The following ALOX5AP variants were observed in gnomAD, a reference collection of about 807,000 sequenced individuals.
ALOX5AP encodes arachidonate 5-lipoxygenase-activating protein.
A neutral mutation model predicts 18.5 loss-of-function variants in ALOX5AP; 9 were observed. The observed-to-expected ratio is 0.49, with a 90% CI of 0.29 to 0.85. ALOX5AP has a LOEUF of 0.85. Ranked by LOEUF, ALOX5AP falls within the 40% of genes least tolerant of loss-of-function variation. The pLI is 0.08. For synonymous variants in ALOX5AP, 81 were observed against 78.6 expected (o/e 1.03, Z -0.16); for missense variants, 172 against 202.5 (o/e 0.85, Z 0.91).
chr13:30,733,031 T>C (rs898545111), upstream of ALOX5AP, among the ~76,000 whole-genome samples: 1 of 151,760 alleles, frequency 6.6e-6, no homozygotes, highest in Non-Finnish European at 1.5e-5. Context: ...TGGTGGTGGG[T>C]GCCTGTAGTC....
At chr13:30,721,170 T>C (rs1488018660) in intron 1 of ALOX5AP, among the ~76,000 whole-genome samples, 1 of 152,204 alleles carries the variant, frequency 6.6e-6, no homozygotes, top group Admixed American at 6.5e-5. Context: ...CAGGAGGCCA[T>C]AGGAGAAGGG....
intron 2 of ALOX5AP, among the ~76,000 whole-genome samples, chr13:30,747,518 T>C (rs916155000): frequency 6.6e-6 from 1 of 152,216 alleles, no homozygotes; most frequent in Non-Finnish European, 1.5e-5. Context: ...TCCCAGCCAA[T>C]GAGCATGGCT....
upstream of ALOX5AP, among the ~76,000 whole-genome samples, chr13:30,733,794 G>T (rs1484625533): frequency 2.0e-5 from 3 of 152,126 alleles, no homozygotes; most frequent in African/African-American, 7.2e-5. Flanking sequence ...TCTTGAGCTG[G>T]GCCATCCATC....
chr13:30,715,214 TC>T (rs1951540508), intron 1 of ALOX5AP, among the ~76,000 whole-genome samples: 1 of 152,216 alleles, frequency 6.6e-6, no homozygotes, highest in Admixed American at 6.5e-5. Context: ...CCTGGGGCTC[TC>T]CAAGCTTCAC....
intron 1 of ALOX5AP, among the ~76,000 whole-genome samples, chr13:30,736,485 T>C (rs1361377625): frequency 6.6e-6 from 1 of 152,178 alleles, no homozygotes; most frequent in East Asian, 1.9e-4. Context: ...TGGCTTTGTG[T>C]TTTATATTTA....
chr13:30,763,386 C>T (rs1035415192), intron 4 of ALOX5AP, among the ~76,000 whole-genome samples: 4 of 152,360 alleles, frequency 2.6e-5, no homozygotes, highest in Admixed American at 1.3e-4. Context: ...GGGCCTGTCT[C>T]CCATTGCTGG....
chr13:30,753,138 G>A (rs1267588604), intron 3 of ALOX5AP, among the ~76,000 whole-genome samples: 1 of 152,226 alleles, frequency 6.6e-6, no homozygotes, highest in Non-Finnish European at 1.5e-5. Context: ...AGAAGTCAGT[G>A]AATGAAGACA....
chr13:30,741,103 C>CTTTTTT (rs59980433), intron 1 of ALOX5AP, among the ~76,000 whole-genome samples: 640 of 63,996 alleles, frequency 0.01, 78 homozygotes, highest in Non-Finnish European at 0.013. Flanking sequence ...CCTCCATATC[C>CTTTTTT]TTTTTTTTTT....
At chr13:30,760,238 A>T (rs1951929900) in intron 4 of ALOX5AP, among the ~76,000 whole-genome samples, 1 of 145,616 alleles carries the variant, frequency 6.9e-6, no homozygotes, top group Non-Finnish European at 1.5e-5. Context: ...TTTTGTTCAC[A>T]TTAAGAACCT....
intron 1 of ALOX5AP, among the ~76,000 whole-genome samples, chr13:30,726,854 A>G (rs1034960325): frequency 6.6e-6 from 1 of 151,922 alleles, no homozygotes; most frequent in Non-Finnish European, 1.5e-5. Context: ...CTATTCCTCT[A>G]CTTAATTTCT....
chr13:30,740,757 A>G (rs1951756382), intron 1 of ALOX5AP, among the ~76,000 whole-genome samples: 4 of 152,164 alleles, frequency 2.6e-5, no homozygotes, highest in Non-Finnish European at 1.5e-5. Flanking sequence ...AGGAGAGAAT[A>G]TGATATTAAA....
chr13:30,763,503 G>A (rs3935644), intron 4 of ALOX5AP, among the ~76,000 whole-genome samples: 35,581 of 152,086 alleles, frequency 0.23, 4,585 homozygotes, highest in East Asian at 0.42. Context: ...CGGTTTTATC[G>A]GCTCATTTAA....
intron 1 of ALOX5AP, among the ~76,000 whole-genome samples, chr13:30,743,305 A>G (rs1055825492): frequency 2.6e-5 from 4 of 151,744 alleles, no homozygotes; most frequent in African/African-American, 9.7e-5. Context: ...TAATTTATGT[A>G]TTTTGCTTAA....
chr13:30,735,451 AAAAAAAAAG>A, upstream of ALOX5AP: 2 of 1,305,640 alleles, frequency 1.5e-6, no homozygotes, highest in Non-Finnish European at 2.0e-6. Context: ...AAAAAAAAAA[AAAAAAAAAG>A]GAAGAAGAAG....
At chr13:30,737,835 C>T (rs1951733061) in intron 1 of ALOX5AP, among the ~76,000 whole-genome samples, 1 of 152,152 alleles carries the variant, frequency 6.6e-6, no homozygotes, top group Admixed American at 6.5e-5. Flanking sequence ...TCGTATAGCT[C>T]TCAATGGAGG....
intron 1 of ALOX5AP, among the ~76,000 whole-genome samples, chr13:30,738,531 G>C (rs977113043): frequency 2.0e-5 from 3 of 152,220 alleles, no homozygotes; most frequent in African/African-American, 7.2e-5. Flanking sequence ...CCAGTTTGGG[G>C]CTTAGGGCAA....
upstream of ALOX5AP, among the ~76,000 whole-genome samples, chr13:30,731,213 G>T (rs1054048233): frequency 2.0e-5 from 3 of 152,110 alleles, no homozygotes; most frequent in African/African-American, 7.2e-5. Flanking sequence ...GCCTGTGAGG[G>T]GATTGCCAGG....
At chr13:30,729,115 G>A (rs1256941190) in intron 1 of ALOX5AP, among the ~76,000 whole-genome samples, 1 of 151,994 alleles carries the variant, frequency 6.6e-6, no homozygotes, top group Non-Finnish European at 1.5e-5. Context: ...GTTATTTGAA[G>A]AGCGGAAGTT....
intron 1 of ALOX5AP, among the ~76,000 whole-genome samples, chr13:30,725,967 A>G (rs769983821): frequency 6.6e-6 from 1 of 152,158 alleles, no homozygotes; most frequent in Non-Finnish European, 1.5e-5. Context: ...GTCAGTGACC[A>G]ATATATGATG....
Sources: allele counts gnomAD v4.1 joint callset (sites outside exome capture counted in the v4.1 genomes callset), GRCh38; gene constraint gnomAD v4.1.1; transcripts MANE v1.5; gene names NCBI Gene and HGNC (gene_info 2026-07-23, HGNC 2026-07-21).